TUBGCP3: variants seen among roughly 807,000 people sequenced by gnomAD.
The protein encoded by TUBGCP3 is tubulin gamma complex component 3, also known as gamma-tubulin complex component 3.
TUBGCP3 carries 50 observed loss-of-function variants against 123.1 expected under a neutral mutation model. That is an observed-to-expected ratio of 0.41 (90% CI 0.32 to 0.51). The LOEUF (loss-of-function observed/expected upper bound fraction) is 0.51, where lower values mean the gene tolerates loss of function less well. TUBGCP3 is among the 20% of genes least tolerant of loss of function. TUBGCP3 has a pLI of 0.36. For synonymous variants in TUBGCP3, 405 were observed against 413.9 expected (o/e 0.98, Z 0.26); for missense variants, 882 against 1,127.0 (o/e 0.78, Z 3.11).
chr13:112,524,216 T>A lies in TUBGCP3; in HGVS notation c.1556-1707A>T, dbSNP rs897900092. 1.3e-5 allele frequency among the ~76,000 whole-genome samples: 2 copies of A among 152,266 alleles called. No individual in the cohort carries two copies. The highest frequency in any genetic ancestry group is 1.3e-4 in the Admixed American group (2 of 15,294). The stretch of plus-strand genomic sequence containing the variant: ...AATCATCTCTAAATTACTTATAATA[T>A]CTAGCGCAATGTACATGCTATGCAA... On this transcript the variant is annotated intron_variant, in intron 13 of 21. Transcript: ENST00000261965. This position sits in a 1 kb window ranked among gnomAD's most constrained non-coding sequence, Gnocchi z 4.4.
Position 112,516,433 on chromosome 13 carries a change from G to A in TUBGCP3, c.2086+7C>T, listed in dbSNP as rs755516413. On this transcript the variant is annotated splice_region_variant and intron_variant, in intron 17 of 21. Coordinates refer to ENST00000261965, the MANE Select transcript of TUBGCP3 (RefSeq NM_006322.6). ...TGTGCGGACCCGTGACCGTGCTGGGGGCTCACCTGGCATGTTTCTCAGGAG... is the reference window on the plus strand; with the variant it reads ...TGTGCGGACCCGTGACCGTGCTGGGAGCTCACCTGGCATGTTTCTCAGGAG... 1.3e-6 allele frequency: 2 copies of A among 1,593,600 alleles called. No homozygotes were observed. Among genetic ancestry groups the A allele is most frequent in the Non-Finnish European group, 8.6e-7 (1 of 1,168,412 alleles).
chr13:112,497,695 T>A (rs1880613909), intron 20 of TUBGCP3, among the ~76,000 whole-genome samples: 2 of 152,252 alleles, frequency 1.3e-5, no homozygotes. Context: ...CCTGGCTATA[T>A]GGCACAGCCT....
intron 5 of TUBGCP3, among the ~76,000 whole-genome samples, chr13:112,556,543 TATAAC>T (rs936211538): frequency 6.6e-6 from 1 of 152,156 alleles, no homozygotes; most frequent in Non-Finnish European, 1.5e-5. Flanking sequence ...TTTATAAACA[TATAAC>T]ATACCTTACC....
rs543626381 is a variant in TUBGCP3 at position 112,495,833 on chromosome 13, A to C, written c.2448+3212T>G. On this transcript the variant is annotated intron_variant, in intron 20 of 21. Transcript: ENST00000261965. Reference sequence around the variant, plus strand: ...AGCCAAAATGAAACCACTTAACCTAACTGTGCAGTGAGTTGGTGGGAGAGC... The same window carrying C: ...AGCCAAAATGAAACCACTTAACCTACCTGTGCAGTGAGTTGGTGGGAGAGC... 1.7e-3 allele frequency among the ~76,000 whole-genome samples: 260 copies of C among 152,286 alleles called. 1 individual carries two copies. Among genetic ancestry groups the C allele is most frequent in the African/African-American group, 5.9e-3 (244 of 41,562 alleles).
At chr13:112,505,620 A>T (rs922006358) in intron 17 of TUBGCP3, among the ~76,000 whole-genome samples, 1 of 152,240 alleles carries the variant, frequency 6.6e-6, no homozygotes, top group African/African-American at 2.4e-5. Flanking sequence ...AGATCAACTG[A>T]CACCTTGCAG....
At chr13:112,586,708 C>T (rs1882632624) in intron 1 of TUBGCP3, among the ~76,000 whole-genome samples, 1 of 152,154 alleles carries the variant, frequency 6.6e-6, no homozygotes, top group Admixed American at 6.5e-5. Context: ...GCTGGTTTAT[C>T]ATCTGTCTCT....
chr13:112,545,480 G>A lies in TUBGCP3; in HGVS notation c.1335+219C>T. 1 of 505,540 alleles carries A rather than the reference G, an allele frequency of 2.0e-6. No homozygotes were observed. The highest frequency in any genetic ancestry group is 3.2e-5 in the Admixed American group (1 of 31,380). The allele number at this position is 505,540 out of a possible 1,614,324, so 31.3% of individuals were successfully genotyped here. A position where few individuals can be genotyped will look rare whatever the true frequency, so the allele number is the denominator to read the frequency against. On this transcript the variant is annotated intron_variant, in intron 11 of 21. Coordinates refer to ENST00000261965, the MANE Select transcript of TUBGCP3 (RefSeq NM_006322.6). The surrounding 1 kb of genome is among the most constrained non-coding windows in gnomAD (Gnocchi z 4.1). Reference sequence around the variant, plus strand: ...TTCCACCTTGCTGAGGAATAAACTGGGACAATTCTCCACTAACCAAAGAAC... The same window carrying A: ...TTCCACCTTGCTGAGGAATAAACTGAGACAATTCTCCACTAACCAAAGAAC...
chr13:112,602,597 C>T, the TUBGCP3 span, among the ~76,000 whole-genome samples: 1 of 152,228 alleles, frequency 6.6e-6, no homozygotes, highest in South Asian at 2.1e-4. Flanking sequence ...CAGCAGGCTT[C>T]AGTTCACCTC....
chr13:112,554,503 G>C (rs567353516), intron 7 of TUBGCP3, among the ~76,000 whole-genome samples: 1 of 152,290 alleles, frequency 6.6e-6, no homozygotes, highest in South Asian at 2.1e-4. Context: ...AAATGGGCAT[G>C]GTAAAGGCAG....
chr13:112,533,356 G>A (rs564996861), intron 11 of TUBGCP3, among the ~76,000 whole-genome samples: 3 of 152,278 alleles, frequency 2.0e-5, no homozygotes, highest in South Asian at 2.1e-4. Flanking sequence ...TCACACCAGC[G>A]CCATGCCCAG....
intron 17 of TUBGCP3, among the ~76,000 whole-genome samples, chr13:112,507,189 T>C (rs1243869101): frequency 2.6e-5 from 4 of 152,212 alleles, no homozygotes; most frequent in African/African-American, 4.8e-5. Flanking sequence ...GGAAAACAAA[T>C]GGACAAATTC....
chr13:112,560,913 G>A (rs558131720), intron 3 of TUBGCP3, among the ~76,000 whole-genome samples: 1 of 152,306 alleles, frequency 6.6e-6, no homozygotes, highest in South Asian at 2.1e-4. Flanking sequence ...GCTCACAAAA[G>A]GGCTTCTGGA....
chr13:112,502,247 T>A (rs929978921), intron 19 of TUBGCP3, among the ~76,000 whole-genome samples: 1 of 152,222 alleles, frequency 6.6e-6, no homozygotes, highest in African/African-American at 2.4e-5. Context: ...TCAAAAGCTA[T>A]GAAGTGAAAC....
chr13:112,558,104 T>C (rs1425378352), intron 5 of TUBGCP3, 92 bp downstream of exon 5: 1 of 1,366,156 alleles, frequency 7.3e-7, no homozygotes, highest in Non-Finnish European at 9.9e-7. Context: ...GCCCCACTGA[T>C]ACTGTGGGTG....
intron 17 of TUBGCP3, among the ~76,000 whole-genome samples, chr13:112,505,515 CAGTA>C (rs1213455468): frequency 6.6e-6 from 1 of 152,316 alleles, no homozygotes; most frequent in African/African-American, 2.4e-5. Flanking sequence ...CCTCTCAAGA[CAGTA>C]AAGAAGTGGA....
intron 21 of TUBGCP3, among the ~76,000 whole-genome samples, chr13:112,488,769 T>C (rs1287130149): frequency 4.8e-4 from 36 of 74,300 alleles, no homozygotes; most frequent in East Asian, 8.1e-4. Context: ...AGCACAGGGG[T>C]CACCCCCAGG....
intron 1 of TUBGCP3, 77 bp downstream of exon 1, chr13:112,587,828 G>A: frequency 7.6e-7 from 1 of 1,318,722 alleles, no homozygotes; most frequent in Non-Finnish European, 1.0e-6. Flanking sequence ...TCCAGCCCCG[G>A]AACGTATTAG....
intron 1 of TUBGCP3, among the ~76,000 whole-genome samples, chr13:112,572,710 A>G (rs1881509325): frequency 6.6e-6 from 1 of 152,178 alleles, no homozygotes; most frequent in Non-Finnish European, 1.5e-5. Context: ...TGCGCACTTC[A>G]TGGCACCCCA....
At chr13:112,543,424 T>C (rs1034167688) in intron 11 of TUBGCP3, among the ~76,000 whole-genome samples, 5 of 152,320 alleles carry the variant, frequency 3.3e-5, no homozygotes, top group Admixed American at 1.3e-4. Flanking sequence ...CCAAATCCAA[T>C]ATGCAATCCC....
Sources: gnomAD v4.1 joint callset for allele counts (sites outside exome capture counted in the v4.1 genomes callset) on GRCh38, gnomAD v4.1.1 for gene constraint, Gnocchi (gnomAD v3.1) non-coding constraint, MANE v1.5 for transcripts, NCBI Gene and HGNC (gene_info 2026-07-23, HGNC 2026-07-21) for gene names.